The following B2M variants were observed in gnomAD, a reference collection of about 807,000 sequenced individuals.
B2M encodes the protein beta chain of MHC class I molecules.
B2M carries 3 observed loss-of-function variants against 14.5 expected under a neutral mutation model. The ratio of observed to expected loss-of-function variants is 0.21; its 90% CI spans 0.09 to 0.53. The LOEUF is 0.53. Ranked by LOEUF, B2M falls within the 20% of genes least tolerant of loss-of-function variation. The pLI is 0.95. For synonymous variants in B2M, 45 were observed against 52.7 expected (o/e 0.85, Z 0.64); for missense variants, 107 against 140.8 (o/e 0.76, Z 1.21).
At chr15:44,711,743 G>T in intron 1 of B2M, 130 bp downstream of exon 1, 7 of 1,204,064 alleles carry the variant, frequency 5.8e-6, no homozygotes, top group Non-Finnish European at 8.4e-6. Flanking sequence ...CGTGGGGCTA[G>T]TCCAGGGCTG....
chr15:44,715,375 G>A lies in B2M; in HGVS notation c.68-48G>A, dbSNP rs1273496465. ...TAGCTTGACACCAAGTTAGCCCCAAGTGAAATACCCTGGCAATATTAATGT... is the reference window on the plus strand; with the variant it reads ...TAGCTTGACACCAAGTTAGCCCCAAATGAAATACCCTGGCAATATTAATGT... On this transcript the variant is annotated intron_variant, in intron 1 of 3. Coordinates refer to ENST00000648006, the MANE Select transcript of B2M (RefSeq NM_004048.4). 6 of 1,591,032 alleles carry A rather than the reference G, an allele frequency of 3.8e-6. No homozygotes were observed. The South Asian group carries it at 6.6e-5, about 18-fold the overall frequency.
intron 1 of B2M, chr15:44,714,995 TA>T: frequency 3.7e-6 from 1 of 273,810 alleles, no homozygotes; most frequent in South Asian, 3.7e-5. Flanking sequence ...TGGGGGCTAT[TA>T]TGAACTGAGA....
intron 1 of B2M, among the ~76,000 whole-genome samples, chr15:44,712,316 T>A (rs1456395180): frequency 6.6e-6 from 1 of 152,252 alleles, no homozygotes. Flanking sequence ...GTTATTGACA[T>A]CTTTCTGTGT....
At chr15:44,715,738 G>T (rs2086933992) in intron 2 of B2M, 37 bp downstream of exon 2, 2 of 1,612,138 alleles carry the variant, frequency 1.2e-6, no homozygotes, top group East Asian at 4.5e-5. Flanking sequence ...GCTGAAAGTT[G>T]TGTATGAGTA....
Position 44,711,520 on chromosome 15 carries a change from C to T in B2M, c.-27C>T. 1 of 1,612,702 alleles carries T rather than the reference C, an allele frequency of 6.2e-7. No individual in the cohort carries two copies. The highest frequency in any genetic ancestry group is 1.1e-5 in the South Asian group (1 of 91,052). ...TGGAGGCGTCGCGCTGGCGGGCATT[C>T]CTGAAGCTGACAGCATTCGGGCCGA... On this transcript the variant is annotated 5_prime_UTR_variant, in exon 1 of 4. Coordinates refer to ENST00000648006, the MANE Select transcript of B2M (RefSeq NM_004048.4).
At chr15:44,715,917 G>T (rs896732149) in intron 2 of B2M, 14 of 674,278 alleles carry the variant, frequency 2.1e-5, no homozygotes, top group African/African-American at 3.6e-5. Context: ...CATGGTTTCT[G>T]AACCAGTAGT....
rs1043205030 is a variant in B2M, at chr15:44,717,388, T to C, written c.*15-219T>C. ...CCACTGTCATATATACAGTCCATCATTGACCAAAACATCATATCAGCATTT... is the reference window on the plus strand; with the variant it reads ...CCACTGTCATATATACAGTCCATCACTGACCAAAACATCATATCAGCATTT... On this transcript the variant is annotated intron_variant, in intron 3 of 3. Transcript: ENST00000648006. 4 of 152,302 alleles carry C rather than the reference T, an allele frequency of 2.6e-5. No individual in the cohort carries two copies. The East Asian group carries it at 7.7e-4, about 29-fold the overall frequency. The allele number at this position is 152,302 out of a possible 1,614,324, so 9.4% of individuals were successfully genotyped here.
chr15:44,712,272 A>C (rs1014790854), intron 1 of B2M, among the ~76,000 whole-genome samples: 2 of 152,206 alleles, frequency 1.3e-5, no homozygotes, highest in Non-Finnish European at 2.9e-5. Flanking sequence ...TGTTCCCATC[A>C]CATGTCACTT....
At chr15:44,716,504 C>A in intron 3 of B2M, 148 bp downstream of exon 3, 2 of 888,136 alleles carry the variant, frequency 2.3e-6, no homozygotes, top group East Asian at 2.5e-5. Flanking sequence ...GGGTCATGTT[C>A]CCTTCTCCTG....
intron 1 of B2M, chr15:44,711,858 C>G: frequency 1.6e-6 from 1 of 623,468 alleles, no homozygotes; most frequent in Non-Finnish European, 2.9e-6. Flanking sequence ...GACCTTTGGC[C>G]TACGGCGACG....
chr15:44,711,538 C>G lies in B2M; in HGVS notation c.-9C>G, dbSNP rs775030921. 6 of 1,613,512 alleles carry G rather than the reference C, an allele frequency of 3.7e-6. No individual in the cohort carries two copies. The highest frequency in any genetic ancestry group is 2.2e-5 in the South Asian group (2 of 91,086). ...GGGCATTCCTGAAGCTGACAGCATT[C>G]GGGCCGAGATGTCTCGCTCCGTGGC... On this transcript the variant is annotated 5_prime_UTR_variant, in exon 1 of 4. Transcript: ENST00000648006.
At position 44,715,518 on chromosome 15, in the gene B2M, A is replaced by G; in HGVS notation, c.163A>G (p.Ile55Val). 1 of 1,614,202 alleles carries G rather than the reference A, an allele frequency of 6.2e-7. No individual in the cohort carries two copies. The highest frequency in any genetic ancestry group is 8.5e-7 in the Non-Finnish European group (1 of 1,180,030). Residue 55 changes from isoleucine (I) to valine (V), a missense_variant, in exon 2 of 4, where the codon ATT becomes GTT. Coordinates refer to ENST00000648006, the MANE Select transcript of B2M (RefSeq NM_004048.4). ...TGTGTCTGGGTTTCATCCATCCGACATTGAAGTTGACTTACTGAAGAATGG... is the reference window on the plus strand; with the variant it reads ...TGTGTCTGGGTTTCATCCATCCGACGTTGAAGTTGACTTACTGAAGAATGG... ...CYVSGFHPSD[I>V]EVDLLKNGER...
intron 1 of B2M, chr15:44,714,040 C>A (rs937932938): frequency 1.3e-5 from 2 of 152,194 alleles, no homozygotes; most frequent in Non-Finnish European, 2.9e-5. Context: ...CACTTCTCTT[C>A]ATTTTCAATG....
intron 3 of B2M, chr15:44,716,597 A>G: frequency 3.5e-6 from 2 of 566,528 alleles, no homozygotes; most frequent in South Asian, 4.7e-5. Flanking sequence ...AACTGCCAGT[A>G]TGGTATTGCA....
intron 1 of B2M, among the ~76,000 whole-genome samples, chr15:44,712,626 T>C (rs1283509155): frequency 6.6e-6 from 1 of 152,254 alleles, no homozygotes; most frequent in Non-Finnish European, 1.5e-5. Context: ...CCCTGTGGTC[T>C]TTTCGTACAG....
At chr15:44,716,199 A>G (rs2086939402) in intron 2 of B2M, 130 bp from the exon 3 acceptor site, 2 of 1,075,652 alleles carry the variant, frequency 1.9e-6, no homozygotes, top group African/African-American at 3.1e-5. Flanking sequence ...TAAACAATGT[A>G]TTCATGGGTA....
intron 3 of B2M, 146 bp downstream of exon 3, chr15:44,716,502 T>C: frequency 1.1e-6 from 1 of 901,214 alleles, no homozygotes; most frequent in South Asian, 1.4e-5. Flanking sequence ...CAGGGTCATG[T>C]TCCCTTCTCC....
chr15:44,715,358 C>T (rs2086929050), intron 1 of B2M, 65 bp from the exon 2 acceptor site: 6 of 1,548,692 alleles, frequency 3.9e-6, no homozygotes, highest in African/African-American at 2.7e-5. Flanking sequence ...TATAGCTTGA[C>T]ACCAAGTTAG....
intron 1 of B2M, chr15:44,713,868 T>G (rs1489300357): frequency 6.6e-6 from 1 of 152,158 alleles, no homozygotes; most frequent in Non-Finnish European, 1.5e-5. Context: ...TCTAGAGAGA[T>G]ATATCTGGTC....
Sources: gnomAD v4.1 joint callset for allele counts (sites outside exome capture counted in the v4.1 genomes callset) on GRCh38, gnomAD v4.1.1 for gene constraint, MANE v1.5 for transcripts, NCBI Gene and HGNC (gene_info 2026-07-23, HGNC 2026-07-21) for gene names.